Variants in NDUFAF2 observed in about 807,000 individuals in gnomAD.
NDUFAF2 encodes NADH dehydrogenase [ubiquinone] 1 alpha subcomplex assembly factor 2.
A neutral mutation model predicts 22.8 loss-of-function variants in NDUFAF2; 13 were observed. That is an observed-to-expected ratio of 0.57 (90% CI 0.37 to 0.91). The LOEUF (loss-of-function observed/expected upper bound fraction) is 0.91. Ranked by LOEUF, NDUFAF2 falls within the 40% of genes least tolerant of loss-of-function variation. The pLI, the probability that NDUFAF2 is intolerant of heterozygous loss-of-function variation, is 0.01. For missense variants in NDUFAF2, 162 were observed against 195.2 expected (o/e 0.83, Z 1.01); for synonymous variants, 53 against 64.2 (o/e 0.83, Z 0.84).
At chr5:61,107,044 TATACACACACACACACAC>T (rs1274844156) in intron 3 of NDUFAF2, among the ~76,000 whole-genome samples, 2 of 64,734 alleles carry the variant, frequency 3.1e-5, no homozygotes, top group Admixed American at 1.7e-4. Context: ...TTTGGATAAA[TATACACACACACACACAC>T]ACACACACAC....
At chr5:61,005,651 C>T (rs1277190812) in intron 1 of NDUFAF2, among the ~76,000 whole-genome samples, 1 of 152,174 alleles carries the variant, frequency 6.6e-6, no homozygotes, top group East Asian at 1.9e-4. Flanking sequence ...GAGATGGTAT[C>T]TCATTGAGGT....
chr5:61,051,333 TC>T (rs1752021444), intron 1 of NDUFAF2, among the ~76,000 whole-genome samples: 7 of 152,120 alleles, frequency 4.6e-5, no homozygotes, highest in Admixed American at 4.6e-4. Context: ...TACTTATCGC[TC>T]TCTATTGCAG....
chr5:60,954,932 T>G (rs1337889920), intron 1 of NDUFAF2, among the ~76,000 whole-genome samples: 2 of 152,196 alleles, frequency 1.3e-5, no homozygotes, highest in Non-Finnish European at 2.9e-5. Flanking sequence ...AATCAATTTA[T>G]TTGGTTTTTT....
intron 3 of NDUFAF2, among the ~76,000 whole-genome samples, chr5:61,135,421 T>C (rs1561136416): frequency 6.6e-6 from 1 of 152,162 alleles, no homozygotes; most frequent in Non-Finnish European, 1.5e-5. Context: ...TGGCCAAAGA[T>C]GGGTCAAGTT....
At chr5:61,151,556 A>T (rs1368512368) in intron 3 of NDUFAF2, among the ~76,000 whole-genome samples, 1 of 152,242 alleles carries the variant, frequency 6.6e-6, no homozygotes, top group Non-Finnish European at 1.5e-5. Flanking sequence ...AGGCGGGCAG[A>T]TCACCTGAGG....
intron 1 of NDUFAF2, among the ~76,000 whole-genome samples, chr5:60,967,327 T>C (rs1259828400): frequency 6.6e-6 from 1 of 152,048 alleles, no homozygotes; most frequent in Admixed American, 6.6e-5. Context: ...CAGATGTCTT[T>C]TATTTATTTT....
intron 2 of NDUFAF2, among the ~76,000 whole-genome samples, chr5:61,084,834 A>T (rs896888927): frequency 3.3e-5 from 5 of 152,154 alleles, no homozygotes; most frequent in Admixed American, 6.5e-5. Context: ...AGGTACAGTA[A>T]ATTTAAGTGG....
At chr5:61,022,614 T>G (rs529263003) in intron 1 of NDUFAF2, among the ~76,000 whole-genome samples, 1 of 152,284 alleles carries the variant, frequency 6.6e-6, no homozygotes, top group East Asian at 1.9e-4. Flanking sequence ...TTCTTTGCCA[T>G]TAGTGTTTTT....
At chr5:61,114,382 A>G (rs1752881304) in intron 3 of NDUFAF2, 1 of 152,080 alleles carries the variant, frequency 6.6e-6, no homozygotes, top group African/African-American at 2.4e-5. Context: ...GATTCTTTTT[A>G]ATTATTTTAA....
chr5:61,020,308 C>A (rs1751562055), intron 1 of NDUFAF2, among the ~76,000 whole-genome samples: 2 of 151,938 alleles, frequency 1.3e-5, no homozygotes, highest in African/African-American at 4.8e-5. Flanking sequence ...CTTTTCCCAC[C>A]AACCCCCACT....
At chr5:61,062,295 T>C (rs1275802412) in intron 1 of NDUFAF2, among the ~76,000 whole-genome samples, 4 of 151,926 alleles carry the variant, frequency 2.6e-5, no homozygotes, top group Admixed American at 1.3e-4. Flanking sequence ...ACGGTGCAAA[T>C]AGGCAATTCA....
At chr5:60,969,361 G>A (rs573702079) in intron 1 of NDUFAF2, among the ~76,000 whole-genome samples, 22 of 151,962 alleles carry the variant, frequency 1.4e-4, no homozygotes, top group African/African-American at 3.6e-4. Context: ...TCTCCACATC[G>A]TTGCCAACAT....
intron 3 of NDUFAF2, among the ~76,000 whole-genome samples, chr5:61,118,172 G>A (rs532427391): frequency 2.8e-4 from 43 of 152,058 alleles, no homozygotes; most frequent in Non-Finnish European, 2.6e-4. Context: ...CCCCTTTTCC[G>A]TACTAAATCT....
intron 3 of NDUFAF2, among the ~76,000 whole-genome samples, chr5:61,101,573 C>T (rs1007778043): frequency 6.6e-6 from 1 of 152,064 alleles, no homozygotes; most frequent in Non-Finnish European, 1.5e-5. Flanking sequence ...GTTCCTCTGT[C>T]CACTGTTTTC....
intron 3 of NDUFAF2, among the ~76,000 whole-genome samples, 191 bp downstream of exon 3, chr5:61,099,223 G>C (rs1419608575): frequency 6.7e-6 from 1 of 150,330 alleles, no homozygotes; most frequent in South Asian, 2.1e-4. Flanking sequence ...TAAAATAAAT[G>C]CTCATATTAT....
rs552031380 is a variant in NDUFAF2, at chr5:61,014,696, G to A, written c.128-58429G>A. Among the ~76,000 whole-genome samples the A allele has an allele frequency of 3.9e-5, 6 of 152,300 alleles. No homozygotes were observed. In the South Asian group the frequency reaches 1.2e-3, roughly 32 times the overall value. On this transcript the variant is annotated intron_variant, in intron 1 of 3. Transcript: ENST00000296597. The stretch of plus-strand genomic sequence containing the variant: ...TTCAATTTTAGGACACCCAGGTGGT[G>A]TCTGGAGAGTTGAATAATTGGTTGG...
intron 3 of NDUFAF2, among the ~76,000 whole-genome samples, chr5:61,136,005 T>TTATGTATATATATATATATATA: frequency 1.0e-5 from 1 of 96,028 alleles, no homozygotes; most frequent in African/African-American, 5.5e-5. Flanking sequence ...AAGCCTGTCT[T>TTATGTATATATATATATATATA]TATATATATA....
At chr5:61,005,623 C>A (rs1177275544) in intron 1 of NDUFAF2, among the ~76,000 whole-genome samples, 1 of 152,104 alleles carries the variant, frequency 6.6e-6, no homozygotes, top group Non-Finnish European at 1.5e-5. Context: ...TTTTAATGAT[C>A]ACCATTCTAA....
At chr5:60,996,497 G>T (rs1751230604) in intron 1 of NDUFAF2, among the ~76,000 whole-genome samples, 1 of 152,074 alleles carries the variant, frequency 6.6e-6, no homozygotes. Flanking sequence ...AGGGAGCTGT[G>T]TAGCATGGGG....
Sources: allele counts gnomAD v4.1 joint callset (sites outside exome capture counted in the v4.1 genomes callset), GRCh38; gene constraint gnomAD v4.1.1; transcripts MANE v1.5; gene names NCBI Gene and HGNC (gene_info 2026-07-23, HGNC 2026-07-21).